GALNT17: variants seen among roughly 807,000 people sequenced by gnomAD.
GALNT17 encodes polypeptide N-acetylgalactosaminyltransferase 17.
GALNT17 carries 29 observed loss-of-function variants against 63.7 expected under a neutral mutation model. That is an observed-to-expected ratio of 0.46 (90% CI 0.34 to 0.62). The LOEUF (loss-of-function observed/expected upper bound fraction) is 0.62. Ranked by LOEUF, GALNT17 falls within the 20% of genes least tolerant of loss-of-function variation. The pLI, the probability that GALNT17 is intolerant of heterozygous loss-of-function variation, is 0.01. For missense variants in GALNT17, 603 were observed against 799.6 expected, an observed-to-expected ratio of 0.75 and a Z score of 2.97; for synonymous variants, 305 against 318.3, an observed-to-expected ratio of 0.96 and a Z score of 0.45.
At chr7:71,539,359 TAAAA>T (rs968498349) in intron 5 of GALNT17, among the ~76,000 whole-genome samples, 1 of 152,118 alleles carries the variant, frequency 6.6e-6, no homozygotes, top group Admixed American at 6.6e-5. Flanking sequence ...TGTTTATTGT[TAAAA>T]AAATAAAATA....
intron 1 of GALNT17, among the ~76,000 whole-genome samples, chr7:71,135,127 C>T (rs183834995): frequency 4.3e-4 from 66 of 152,206 alleles, no homozygotes; most frequent in Admixed American, 8.5e-4. Context: ...GTTGGGATGA[C>T]AGGCGTGAGC....
At chr7:71,551,794 A>G (rs1789081988) in intron 5 of GALNT17, among the ~76,000 whole-genome samples, 1 of 150,736 alleles carries the variant, frequency 6.6e-6, no homozygotes, top group Admixed American at 6.6e-5. Flanking sequence ...GAGAGCGGGA[A>G]AGCAAGAGTT....
Position 71,713,326 on chromosome 7 carries a change from G to A in GALNT17, c.*1180G>A, listed in dbSNP as rs1791823153. 6.5e-6 allele frequency: 1 copy of A among 153,072 alleles called. No homozygotes were observed. Among genetic ancestry groups the A allele is most frequent in the African/African-American group, 2.4e-5 (1 of 41,454 alleles). The allele number at this position is 153,072 out of a possible 1,614,324, so 9.5% of individuals were successfully genotyped here. A position where few individuals can be genotyped will look rare whatever the true frequency, so the allele number is the denominator to read the frequency against. On this transcript the variant is annotated 3_prime_UTR_variant, in exon 11 of 11. Coordinates refer to ENST00000333538, the MANE Select transcript of GALNT17 (RefSeq NM_022479.3). ...TCACCTGGATGGGGACGAGGGATGA[G>A]AAGGGTGTGGGTTTGGCCCCATGTC...
chr7:71,201,239 T>TATATATATATATATATATATATATATATA lies in GALNT17; in HGVS notation c.238+68199_238+68200insATATATATATATATATATATATATATATA, dbSNP rs1554338078. Among the ~76,000 whole-genome samples, 38 of 101,606 alleles carry TATATATATATATATATATATATATATATA rather than the reference T, an allele frequency of 3.7e-4. 2 individuals are homozygous for TATATATATATATATATATATATATATATA. Among genetic ancestry groups the TATATATATATATATATATATATATATATA allele is most frequent in the African/African-American group, 1.4e-3 (36 of 26,200 alleles). 66.7% of individuals were successfully genotyped at this position (101,606 alleles called of 152,430 possible). On this transcript the variant is annotated intron_variant, in intron 1 of 10. Transcript: ENST00000333538. ...TTTGTATGGGGGTGTGTGTGTTTAT[T>TATATATATATATATATATATATATATATA]TTTATATATATATATATAATTTGTG... is the stretch of plus-strand genomic sequence containing the variant.
At chr7:71,391,569 A>G (rs995758994) in intron 3 of GALNT17, among the ~76,000 whole-genome samples, 2 of 152,114 alleles carry the variant, frequency 1.3e-5, no homozygotes, top group Non-Finnish European at 2.9e-5. Flanking sequence ...TGCAGCCTCC[A>G]ACTCCTAGGC....
chr7:71,535,600 C>T (rs975273655), intron 5 of GALNT17, among the ~76,000 whole-genome samples: 26 of 152,224 alleles, frequency 1.7e-4, no homozygotes, highest in Admixed American at 1.4e-3. Context: ...TGCTTATCAA[C>T]ACAAAGATTG....
At chr7:71,289,705 C>A (rs1017497013) in intron 1 of GALNT17, among the ~76,000 whole-genome samples, 5 of 152,178 alleles carry the variant, frequency 3.3e-5, no homozygotes, top group Admixed American at 3.3e-4. Context: ...GATAGAGAAA[C>A]CCCGTCTCTA....
chr7:71,351,936 A>T (rs947339790), intron 2 of GALNT17, among the ~76,000 whole-genome samples: 1 of 152,114 alleles, frequency 6.6e-6, no homozygotes, highest in African/African-American at 2.4e-5. Context: ...TGCAGAAGAG[A>T]TGTAAGGAGT....
At chr7:71,458,289 AC>A (rs1339663833) in intron 5 of GALNT17, among the ~76,000 whole-genome samples, 1 of 151,938 alleles carries the variant, frequency 6.6e-6, no homozygotes, top group Non-Finnish European at 1.5e-5. Flanking sequence ...GACTTCTCTC[AC>A]CCCCCTTGCA....
intron 5 of GALNT17, among the ~76,000 whole-genome samples, chr7:71,450,291 G>A (rs1787236760): frequency 6.6e-6 from 1 of 151,820 alleles, no homozygotes; most frequent in Non-Finnish European, 1.5e-5. Context: ...TGTGCCACAA[G>A]GTCTAGCTAA....
intron 1 of GALNT17, among the ~76,000 whole-genome samples, chr7:71,181,969 C>A (rs1031060024): frequency 1.3e-5 from 2 of 151,954 alleles, no homozygotes; most frequent in Non-Finnish European, 2.9e-5. Flanking sequence ...GGAGGTTGGG[C>A]GTTCAAGACC....
At chr7:71,512,527 C>T (rs919010217) in intron 5 of GALNT17, among the ~76,000 whole-genome samples, 1 of 152,214 alleles carries the variant, frequency 6.6e-6, no homozygotes, top group Non-Finnish European at 1.5e-5. Flanking sequence ...CCGCTTCAGT[C>T]AGCTTGGGCC....
intron 1 of GALNT17, among the ~76,000 whole-genome samples, chr7:71,195,935 A>C (rs575448971): frequency 6.6e-6 from 1 of 152,012 alleles, no homozygotes; most frequent in Non-Finnish European, 1.5e-5. Context: ...CCCAATAAAA[A>C]TCTTGCATAC....
chr7:71,499,842 G>A (rs1237346202), intron 5 of GALNT17, among the ~76,000 whole-genome samples: 1 of 152,196 alleles, frequency 6.6e-6, no homozygotes, highest in Non-Finnish European at 1.5e-5. Flanking sequence ...TATCCTGGGA[G>A]GGACCCAGTG....
At chr7:71,701,803 G>GTATATATA (rs1554326539) in intron 9 of GALNT17, among the ~76,000 whole-genome samples, 1 of 30,722 alleles carries the variant, frequency 3.3e-5, no homozygotes, top group African/African-American at 8.5e-5. Context: ...GTGTGTGTGT[G>GTATATATA]TATATATATA....
chr7:71,248,179 G>T (rs552521077), intron 1 of GALNT17, among the ~76,000 whole-genome samples: 18 of 152,280 alleles, frequency 1.2e-4, no homozygotes, highest in South Asian at 2.1e-4. Context: ...CAAGGTGGCA[G>T]AAAAGACAGA....
chr7:71,587,947 A>C (rs1789743314), intron 6 of GALNT17, among the ~76,000 whole-genome samples: 2 of 152,318 alleles, frequency 1.3e-5, no homozygotes. Flanking sequence ...GCTTTCTGGC[A>C]CAAGAAGAAG....
intron 1 of GALNT17, among the ~76,000 whole-genome samples, chr7:71,185,118 G>A (rs1367892610): frequency 3.8e-5 from 4 of 105,780 alleles, no homozygotes; most frequent in East Asian, 2.9e-4. Flanking sequence ...CCCTGCCCTC[G>A]CCTCCCTTCC....
intron 6 of GALNT17, among the ~76,000 whole-genome samples, chr7:71,606,970 C>T (rs1562708349): frequency 6.6e-6 from 1 of 152,108 alleles, no homozygotes. Context: ...AAACAAATGG[C>T]CCATCCCCAC....
Sources: gnomAD v4.1 joint callset for allele counts (sites outside exome capture counted in the v4.1 genomes callset) on GRCh38, gnomAD v4.1.1 for gene constraint, MANE v1.5 for transcripts, NCBI Gene and HGNC (gene_info 2026-07-23, HGNC 2026-07-21) for gene names.